Variants in FSTL4 observed in about 807,000 individuals in gnomAD.
FSTL4 encodes follistatin like 4, also known as follistatin-related protein 4.
FSTL4 carries 28 observed loss-of-function variants against 78.2 expected under a neutral mutation model. The ratio of observed to expected loss-of-function variants is 0.36; its 90% confidence interval spans 0.27 to 0.49. The LOEUF is 0.49. FSTL4 is among the 20% of genes least tolerant of loss of function. The pLI is 0.98. For missense variants in FSTL4, 922 were observed against 1,084.9 expected (o/e 0.85, Z 2.11); for synonymous variants, 422 against 440.5 (o/e 0.96, Z 0.53).
At chr5:133,606,402 G>A (rs1228344408) in intron 1 of FSTL4, among the ~76,000 whole-genome samples, 1 of 152,188 alleles carries the variant, frequency 6.6e-6, no homozygotes, top group Non-Finnish European at 1.5e-5. Context: ...TTATAGGAAT[G>A]AGCCACCATG....
intron 2 of FSTL4, among the ~76,000 whole-genome samples, chr5:133,568,291 C>A (rs531365870): frequency 6.6e-6 from 1 of 152,272 alleles, no homozygotes; most frequent in East Asian, 1.9e-4. Flanking sequence ...AAAGTCCATA[C>A]TAGCAACTAA....
At chr5:133,371,718 C>T (rs1223008517) in intron 4 of FSTL4, among the ~76,000 whole-genome samples, 2 of 152,200 alleles carry the variant, frequency 1.3e-5, no homozygotes, top group African/African-American at 2.4e-5. Flanking sequence ...ATGGTTTCAG[C>T]GATCACTGGG....
chr5:133,475,187 C>T (rs970395384), intron 3 of FSTL4, among the ~76,000 whole-genome samples: 4 of 152,150 alleles, frequency 2.6e-5, no homozygotes, highest in African/African-American at 7.2e-5. Context: ...CTCCTGTTCC[C>T]GAGAATTTGC....
At chr5:133,559,782 C>CA (rs1463922394) in intron 3 of FSTL4, among the ~76,000 whole-genome samples, 1 of 152,210 alleles carries the variant, frequency 6.6e-6, no homozygotes, top group Non-Finnish European at 1.5e-5. Context: ...CTCCTTCTAG[C>CA]AGAGGGACCC....
At chr5:133,263,318 A>G (rs1752573540) in intron 6 of FSTL4, among the ~76,000 whole-genome samples, 1 of 152,134 alleles carries the variant, frequency 6.6e-6, no homozygotes. Context: ...CATAAGTAAT[A>G]CTTAGAAACA....
chr5:133,373,231 C>G (rs1006283601), intron 4 of FSTL4, among the ~76,000 whole-genome samples: 1 of 152,334 alleles, frequency 6.6e-6, no homozygotes, highest in South Asian at 2.1e-4. Flanking sequence ...CCAGGAAGGC[C>G]TGCGGCTATT....
chr5:133,316,646 G>A lies in FSTL4; in HGVS notation c.416C>T (p.Thr139Met), dbSNP rs757667671. 2.7e-5 allele frequency: 44 copies of A among 1,607,000 alleles called. No individual in the cohort carries two copies. Among genetic ancestry groups the A allele is most frequent in the Admixed American group, 1.0e-4 (6 of 59,374 alleles). Residue 139 changes from threonine (T) to methionine (M), a missense_variant, in exon 5 of 16, where the codon ACG (threonine) becomes ATG (methionine). Physicochemically the swap from Thr to Met is moderately conservative, Grantham distance 81. Coordinates refer to ENST00000265342, the MANE Select transcript of FSTL4 (RefSeq NM_015082.2). ...HSKDCFLKGD[T>M]CTMAGYARLK... ...GCGGGCGTAGCCGGCCATGGTGCACGTGTCACCTGAAAGAGAAGGTGAGGT... is the reference window on the plus strand; with the variant it reads ...GCGGGCGTAGCCGGCCATGGTGCACATGTCACCTGAAAGAGAAGGTGAGGT...
At chr5:133,263,351 G>T (rs143922222) in intron 6 of FSTL4, among the ~76,000 whole-genome samples, 1 of 152,260 alleles carries the variant, frequency 6.6e-6, no homozygotes, top group Non-Finnish European at 1.5e-5. Context: ...AGATCCCTGG[G>T]GAGAGAGTGT....
chr5:133,260,766 AG>A (rs753064927), intron 6 of FSTL4, among the ~76,000 whole-genome samples: 1 of 152,184 alleles, frequency 6.6e-6, no homozygotes, highest in Non-Finnish European at 1.5e-5. Flanking sequence ...AGCTCAGCTG[AG>A]CCCAATTGTT....
chr5:133,582,012 C>T (rs73788161), intron 2 of FSTL4, among the ~76,000 whole-genome samples: 22 of 152,320 alleles, frequency 1.4e-4, no homozygotes, highest in African/African-American at 4.6e-4. Context: ...CCCTTCGTAA[C>T]AGAGGGTATC....
intron 14 of FSTL4, among the ~76,000 whole-genome samples, chr5:133,205,609 C>T (rs979302239): frequency 5.9e-5 from 9 of 152,144 alleles, no homozygotes; most frequent in African/African-American, 1.7e-4. Context: ...GGTTTCAATG[C>T]GCTTTAATTT....
At chr5:133,461,630 C>T (rs534534568) in intron 3 of FSTL4, among the ~76,000 whole-genome samples, 1 of 152,308 alleles carries the variant, frequency 6.6e-6, no homozygotes, top group South Asian at 2.1e-4. Context: ...TGCTGACTGA[C>T]TGGACATATC....
intron 6 of FSTL4, among the ~76,000 whole-genome samples, chr5:133,284,425 C>A (rs536146685): frequency 2.0e-5 from 3 of 152,340 alleles, no homozygotes; most frequent in African/African-American, 7.2e-5. Flanking sequence ...CCCCTCAGGG[C>A]AGAAGTGGGA....
intron 3 of FSTL4, among the ~76,000 whole-genome samples, chr5:133,523,047 A>G (rs572565699): frequency 6.8e-6 from 1 of 147,924 alleles, no homozygotes; most frequent in Non-Finnish European, 1.5e-5. Flanking sequence ...CTATATTTGG[A>G]GTTAGAATTC....
the FSTL4 span, among the ~76,000 whole-genome samples, chr5:133,642,247 T>G: frequency 2.0e-5 from 3 of 152,190 alleles, no homozygotes; most frequent in Non-Finnish European, 4.4e-5. Flanking sequence ...ATAGAAGTGC[T>G]ACCAGCGTTA....
At chr5:133,734,201 C>A in the FSTL4 span, among the ~76,000 whole-genome samples, 1 of 152,004 alleles carries the variant, frequency 6.6e-6, no homozygotes, top group Non-Finnish European at 1.5e-5. Context: ...ATCTTAAAAC[C>A]ACCATAGCAA....
At chr5:133,751,952 C>T in the FSTL4 span, among the ~76,000 whole-genome samples, 17,113 of 152,204 alleles carry the variant, frequency 0.11, 1,086 homozygotes, top group Admixed American at 0.17. Context: ...AGGTCAGCAA[C>T]ATCATCCCTT....
the FSTL4 span, among the ~76,000 whole-genome samples, chr5:133,633,783 G>A: frequency 1.9e-4 from 29 of 152,086 alleles, no homozygotes; most frequent in South Asian, 1.5e-3. Context: ...AGTAGGAGAA[G>A]GGACAAAGGT....
Position 133,318,902 on chromosome 5 carries a change from G to A in FSTL4, c.410-2250C>T, listed in dbSNP as rs7730654. On this transcript the variant is annotated intron_variant, in intron 4 of 15. Coordinates refer to ENST00000265342, the MANE Select transcript of FSTL4 (RefSeq NM_015082.2). Reference sequence around the variant, plus strand: ...CCTCTTATTTCGTCTCAGGACCCCAGTGGCCAGGCTGGCCTAAGCATGGAG... The same window carrying A: ...CCTCTTATTTCGTCTCAGGACCCCAATGGCCAGGCTGGCCTAAGCATGGAG... 1.1e-3 allele frequency among the ~76,000 whole-genome samples: 171 copies of A among 152,338 alleles called. 1 individual carries two copies. Among genetic ancestry groups the A allele is most frequent in the Middle Eastern group, 0.01 (3 of 294 alleles).
Sources: allele counts gnomAD v4.1 joint callset (sites outside exome capture counted in the v4.1 genomes callset), GRCh38; gene constraint gnomAD v4.1.1; transcripts MANE v1.5; gene names NCBI Gene and HGNC (gene_info 2026-07-23, HGNC 2026-07-21).